Variants in CD163L1 observed in about 807,000 individuals in gnomAD.
CD163L1 encodes the protein scavenger receptor cysteine-rich type 1 protein M160.
A neutral mutation model predicts 165.4 loss-of-function variants in CD163L1; 124 were observed. That is an observed-to-expected ratio of 0.75 (90% CI 0.65 to 0.87). The LOEUF is 0.87. CD163L1 is among the 40% of genes least tolerant of loss of function. CD163L1 has a pLI of 0.00. For missense variants in CD163L1, 1,525 were observed against 1,799.9 expected, an observed-to-expected ratio of 0.85 and a Z score of 2.76; for synonymous variants, 585 against 662.2, an observed-to-expected ratio of 0.88 and a Z score of 1.79.
the CD163L1 span, among the ~76,000 whole-genome samples, chr12:7,335,359 T>G: frequency 6.6e-6 from 1 of 152,218 alleles, no homozygotes; most frequent in Non-Finnish European, 1.5e-5. Flanking sequence ...CTATCTGATC[T>G]TTGACAAACC....
At chr12:7,353,474 T>C (rs1401144651), downstream of CD163L1, among the ~76,000 whole-genome samples, 1 of 152,040 alleles carries the variant, frequency 6.6e-6, no homozygotes, top group Non-Finnish European at 1.5e-5. Flanking sequence ...CTAGATACCA[T>C]CAAGCTGTTG....
At chr12:7,393,575 C>A (rs1210889117) in intron 8 of CD163L1, among the ~76,000 whole-genome samples, 1 of 152,084 alleles carries the variant, frequency 6.6e-6, no homozygotes, top group Non-Finnish European at 1.5e-5. Context: ...CTGGCCAGGG[C>A]AATCAGGCAA....
Position 7,398,691 on chromosome 12 carries a change from A to G in CD163L1, c.1409-107T>C. ...ACTATAAGGCTTTGCCTAACAGGTG[A>G]TATATTAGGCACACTTTTGAATGAA... On this transcript the variant is annotated intron_variant, in intron 6 of 19. Transcript: ENST00000313599. The surrounding 1 kb of genome is among the most constrained non-coding windows in gnomAD (Gnocchi z 4.5). 2.3e-6 allele frequency: 2 copies of G among 888,054 alleles called. No individual in the cohort carries two copies. Among genetic ancestry groups the G allele is most frequent in the Non-Finnish European group, 3.2e-6 (2 of 618,506 alleles). 55.0% of individuals were successfully genotyped at this position (888,054 alleles called of 1,614,324 possible).
chr12:7,437,670 C>CTT (rs199974619), intron 2 of CD163L1, among the ~76,000 whole-genome samples: 1 of 132,832 alleles, frequency 7.5e-6, no homozygotes, highest in Admixed American at 7.7e-5. Flanking sequence ...TGAACTCATC[C>CTT]TTTTTTTTTT....
intron 18 of CD163L1, among the ~76,000 whole-genome samples, chr12:7,360,155 C>G (rs1431722133): frequency 6.8e-6 from 1 of 147,328 alleles, no homozygotes; most frequent in Non-Finnish European, 1.5e-5. Flanking sequence ...TTTTTTTTTT[C>G]TTTTCAGATG....
chr12:7,384,460 AC>A (rs1455404321), intron 8 of CD163L1, among the ~76,000 whole-genome samples: 1 of 152,016 alleles, frequency 6.6e-6, no homozygotes, highest in Non-Finnish European at 1.5e-5. Context: ...AAATTGATAC[AC>A]CTCCTCCCAC....
Position 7,375,552 on chromosome 12 carries a change from G to A in CD163L1, c.2730C>T (p.Asp910=), listed in dbSNP as rs1040465238. The A allele has an allele frequency of 3.1e-6, 5 of 1,613,372 alleles. No individual in the cohort carries two copies. The highest frequency in any genetic ancestry group is 1.3e-5 in the African/African-American group (1 of 74,910). Reference sequence around the variant, plus strand: ...CAAGCACGTTGATCTCCACTTGCCCGTCACACTGGGATTTGCCATTCACAA... The same window carrying A: ...CAAGCACGTTGATCTCCACTTGCCCATCACACTGGGATTTGCCATTCACAA... The part of the protein sequence containing the change: ...VRLVNGKSQC[D]GQVEINVLGH... The change falls in exon 11 of 20, where the codon GAC becomes GAT. Residue 910 remains aspartate, a synonymous_variant. Coordinates refer to ENST00000313599, the MANE Select transcript of CD163L1 (RefSeq NM_174941.6).
rs1265636040 is a variant in CD163L1, at chr12:7,369,018, A to G, written c.4040-53T>C. On this transcript the variant is annotated intron_variant, in intron 15 of 19. Transcript: ENST00000313599. The surrounding 1 kb of genome is among the most constrained non-coding windows in gnomAD (Gnocchi z 4.9). ...GTAAATGAACGAAAAGGAACTGGGTATTTCTTTTTACATCTCCTGCGATTA... is the reference window on the plus strand; with the variant it reads ...GTAAATGAACGAAAAGGAACTGGGTGTTTCTTTTTACATCTCCTGCGATTA... 6.4e-6 allele frequency: 10 copies of G among 1,570,488 alleles called. No individual in the cohort carries two copies. The highest frequency in any genetic ancestry group is 8.7e-6 in the Non-Finnish European group (10 of 1,145,160).
rs946821177 is a variant in CD163L1 at position 7,372,486 on chromosome 12, T to G, written c.3730+834A>C. Among the ~76,000 whole-genome samples the G allele has an allele frequency of 5.9e-5, 9 of 152,038 alleles. No individual in the cohort carries two copies. The highest frequency in any genetic ancestry group is 2.2e-4 in the African/African-American group (9 of 41,436). ...AATAGCCTTAATACCAATAATCACA[T>G]GGTTATTTATGTTCACATGATAAAA... On this transcript the variant is annotated intron_variant, in intron 14 of 19. Coordinates refer to ENST00000313599, the MANE Select transcript of CD163L1 (RefSeq NM_174941.6). The surrounding 1 kb of genome is among the most constrained non-coding windows in gnomAD (Gnocchi z 4.2).
downstream of CD163L1, among the ~76,000 whole-genome samples, chr12:7,351,154 TG>T (rs1946704219): frequency 6.6e-6 from 1 of 152,114 alleles, no homozygotes; most frequent in Admixed American, 6.6e-5. Context: ...GATATATAGA[TG>T]GATAGATATA....
intron 4 of CD163L1, among the ~76,000 whole-genome samples, chr12:7,426,141 G>T (rs1044831239): frequency 1.3e-5 from 2 of 152,138 alleles, no homozygotes; most frequent in African/African-American, 4.8e-5. Flanking sequence ...GTTCTTTGCA[G>T]GGACATGGAT....
chr12:7,365,356 C>T (rs1437137909), intron 18 of CD163L1, among the ~76,000 whole-genome samples: 7 of 151,978 alleles, frequency 4.6e-5, no homozygotes, highest in Non-Finnish European at 1.0e-4. Context: ...TTGGTCTGGG[C>T]AAAGATTTTT....
chr12:7,351,654 C>T (rs1790479235), downstream of CD163L1, among the ~76,000 whole-genome samples: 1 of 152,138 alleles, frequency 6.6e-6, no homozygotes, highest in South Asian at 2.1e-4. Context: ...TATCAGACTA[C>T]AAACAACACT....
intron 8 of CD163L1, among the ~76,000 whole-genome samples, chr12:7,392,612 T>C (rs1947681212): frequency 6.6e-6 from 1 of 151,876 alleles, no homozygotes; most frequent in Non-Finnish European, 1.5e-5. Context: ...CAAAAAAACC[T>C]TCAAAAAATC....
chr12:7,371,219 T>C (rs985439632), intron 14 of CD163L1, among the ~76,000 whole-genome samples: 1 of 152,220 alleles, frequency 6.6e-6, no homozygotes, highest in African/African-American at 2.4e-5. Context: ...TGGTATTTCT[T>C]TATTAGCAGC....
At chr12:7,441,369 A>G (rs1948829307) in intron 1 of CD163L1, 123 bp from the exon 2 acceptor site, 3 of 691,930 alleles carry the variant, frequency 4.3e-6, no homozygotes, top group South Asian at 3.8e-5. Context: ...CCACCTGTCA[A>G]GGATACCGCA....
At chr12:7,394,228 T>C (rs1331498068) in intron 8 of CD163L1, among the ~76,000 whole-genome samples, 1 of 152,146 alleles carries the variant, frequency 6.6e-6, no homozygotes, top group Non-Finnish European at 1.5e-5. Context: ...AACAGCATGG[T>C]ACCGGTACCA....
At chr12:7,381,927 T>A (rs1421569837) in intron 8 of CD163L1, among the ~76,000 whole-genome samples, 1 of 150,398 alleles carries the variant, frequency 6.6e-6, no homozygotes, top group Admixed American at 6.6e-5. Flanking sequence ...AAAGGTGACA[T>A]CATATTGACT....
intron 8 of CD163L1, among the ~76,000 whole-genome samples, chr12:7,395,697 A>G (rs773963480): frequency 1.3e-5 from 2 of 152,278 alleles, no homozygotes; most frequent in South Asian, 2.1e-4. Flanking sequence ...TCAGGTAACA[A>G]TGAGTATTTG....
Sources: allele counts gnomAD v4.1 joint callset (sites outside exome capture counted in the v4.1 genomes callset), GRCh38; gene constraint gnomAD v4.1.1; non-coding constraint Gnocchi (gnomAD v3.1); transcripts MANE v1.5; gene names NCBI Gene and HGNC (gene_info 2026-07-23, HGNC 2026-07-21).